The following LMTK2 variants were observed in gnomAD, a reference collection of about 807,000 sequenced individuals.
LMTK2 encodes the protein lemur tail kinase 2, also known as serine/threonine-protein kinase LMTK2.
LMTK2 carries 37 observed loss-of-function variants against 127.5 expected under a neutral mutation model. That is an observed-to-expected ratio of 0.29 (90% CI 0.22 to 0.38). The LOEUF is 0.38. LMTK2 is among the 10% of genes least tolerant of loss of function. LMTK2 has a pLI of 1.00. For missense variants in LMTK2, 1,694 were observed against 1,920.3 expected (o/e 0.88, Z 2.20); for synonymous variants, 819 against 810.1 (o/e 1.01, Z -0.19).
rs146075559 is a variant in LMTK2, at chr7:98,112,283, C to T, written c.103+5003C>T. Among the ~76,000 whole-genome samples the T allele has an allele frequency of 3.4e-3, 524 of 152,248 alleles. 2 individuals are homozygous for T. The highest frequency in any genetic ancestry group is 2.7e-3 in the Non-Finnish European group (184 of 68,024). On this transcript the variant is annotated intron_variant, in intron 1 of 13. Transcript: ENST00000297293. Reference sequence around the variant, plus strand: ...TGCGATCATAGCTCACTGCAACCTCCAACTCCTGGCCTCAAGAGATCCTCC... The same window carrying T: ...TGCGATCATAGCTCACTGCAACCTCTAACTCCTGGCCTCAAGAGATCCTCC...
chr7:98,116,323 T>A (rs1045743693), intron 1 of LMTK2, among the ~76,000 whole-genome samples: 1 of 152,180 alleles, frequency 6.6e-6, no homozygotes, highest in African/African-American at 2.4e-5. Context: ...TGTCAGCATT[T>A]GTAACTGAGG....
chr7:98,198,076 TTTTTC>T (rs1797654586), intron 11 of LMTK2, among the ~76,000 whole-genome samples: 1 of 152,228 alleles, frequency 6.6e-6, no homozygotes, highest in Admixed American at 6.5e-5. Flanking sequence ...CATGGATTTT[TTTTTC>T]TTTTCTCTTT....
chr7:98,141,553 C>G lies in LMTK2; in HGVS notation c.376+12C>G, dbSNP rs761085347. On this transcript the variant is annotated intron_variant, in intron 3 of 13. Transcript: ENST00000297293. ...CCAGCCTTCTGTAGGTAAGACCATACAGCCTAATGCCACGTTTTCATGAAT... is the reference window on the plus strand; with the variant it reads ...CCAGCCTTCTGTAGGTAAGACCATAGAGCCTAATGCCACGTTTTCATGAAT... 3 of 1,608,614 alleles carry G rather than the reference C, an allele frequency of 1.9e-6. No individual in the cohort carries two copies. Among genetic ancestry groups the G allele is most frequent in the Non-Finnish European group, 2.5e-6 (3 of 1,177,098 alleles).
intron 1 of LMTK2, among the ~76,000 whole-genome samples, chr7:98,109,760 A>G (rs1048923605): frequency 7.3e-5 from 11 of 151,716 alleles, no homozygotes; most frequent in East Asian, 1.9e-4. Context: ...AAAAAAAAAA[A>G]AAAGAAAGGA....
At chr7:98,178,445 G>A (rs1218083962) in intron 7 of LMTK2, among the ~76,000 whole-genome samples, 1 of 152,166 alleles carries the variant, frequency 6.6e-6, no homozygotes, top group South Asian at 2.1e-4. Flanking sequence ...CTCTGCTCAT[G>A]CGGCCCTGAG....
chr7:98,119,608 G>A (rs2116327785), intron 1 of LMTK2, among the ~76,000 whole-genome samples: 1 of 152,306 alleles, frequency 6.6e-6, no homozygotes, highest in South Asian at 2.1e-4. Flanking sequence ...AGGGAAAACA[G>A]CAGGTAGTCC....
intron 8 of LMTK2, among the ~76,000 whole-genome samples, chr7:98,185,448 C>T (rs1797419895): frequency 6.6e-6 from 1 of 152,116 alleles, no homozygotes; most frequent in Non-Finnish European, 1.5e-5. Flanking sequence ...GTTATTATTA[C>T]CTGTTATGAT....
At chr7:98,123,504 G>A (rs1202117130) in intron 1 of LMTK2, among the ~76,000 whole-genome samples, 1 of 152,086 alleles carries the variant, frequency 6.6e-6, no homozygotes, top group Non-Finnish European at 1.5e-5. Context: ...CAGTCTTGCA[G>A]TGGTGTCTCT....
chr7:98,203,728 T>C (rs1344537830), intron 12 of LMTK2, 22 bp downstream of exon 12: 1 of 1,610,714 alleles, frequency 6.2e-7, no homozygotes, highest in South Asian at 1.1e-5. Context: ...CATTGTCTAG[T>C]TTTAAAGGAA....
chr7:98,138,264 C>G (rs1796624328), intron 2 of LMTK2, among the ~76,000 whole-genome samples: 1 of 152,124 alleles, frequency 6.6e-6, no homozygotes, highest in Non-Finnish European at 1.5e-5. Flanking sequence ...GCCTGGAGGT[C>G]CAGTGGTTCA....
intron 1 of LMTK2, among the ~76,000 whole-genome samples, chr7:98,118,126 T>C (rs73710339): frequency 0.058 from 8,878 of 152,248 alleles, 874 homozygotes; most frequent in African/African-American, 0.2. Context: ...TAGAGACAGA[T>C]GAGCTGGAAG....
At chr7:98,136,147 G>T (rs1468182870) in intron 1 of LMTK2, among the ~76,000 whole-genome samples, 1 of 152,210 alleles carries the variant, frequency 6.6e-6, no homozygotes, top group Admixed American at 6.5e-5. Flanking sequence ...CCTTGGTAGA[G>T]CTCCCAGTGA....
At chr7:98,172,553 T>C (rs1047877435) in intron 7 of LMTK2, among the ~76,000 whole-genome samples, 1 of 152,178 alleles carries the variant, frequency 6.6e-6, no homozygotes, top group African/African-American at 2.4e-5. Context: ...TTCTGCTTAT[T>C]CTCCTCTAGG....
At position 98,107,250 on chromosome 7, in the gene LMTK2, G is replaced by C; in HGVS notation, c.73G>C (p.Gly25Arg). Residue 25 changes from glycine to arginine, a missense_variant, in exon 1 of 14, where the codon GGG (glycine) becomes CGG (arginine). Physicochemically the swap from Gly to Arg is moderately radical, Grantham distance 125. Around this residue, in one of 8 missense-constraint regions of LMTK2, gnomAD observed 76 missense variants for 82.0 expected, o/e 0.93. Transcript: ENST00000297293. ...GGTCCTCCTGATCGCCGGCAGTGCT[G>C]GGGCCGCGCCACTTCCGCAAACAGG... ...LLVLLIAGSA[G>R]AAPLPQTGAG... 1 of 1,441,572 alleles carries C rather than the reference G, an allele frequency of 6.9e-7. No individual in the cohort carries two copies. Among genetic ancestry groups the C allele is most frequent in the African/African-American group, 1.5e-5 (1 of 67,292 alleles). 89.3% of individuals were successfully genotyped at this position (1,441,572 alleles called of 1,614,324 possible). A position where few individuals can be genotyped will look rare whatever the true frequency, so the allele number is the denominator to read the frequency against.
chr7:98,119,151 A>G (rs958553896), intron 1 of LMTK2, among the ~76,000 whole-genome samples: 4 of 152,128 alleles, frequency 2.6e-5, no homozygotes, highest in Admixed American at 6.5e-5. Flanking sequence ...CAGCTGAATC[A>G]AAATGCTGAA....
intron 4 of LMTK2, among the ~76,000 whole-genome samples, chr7:98,152,316 G>A (rs2116388946): frequency 6.6e-6 from 1 of 152,320 alleles, no homozygotes; most frequent in East Asian, 1.9e-4. Context: ...GGTTCCTAAT[G>A]GAGTAGGGAT....
chr7:98,117,862 G>A (rs1344789331), intron 1 of LMTK2, among the ~76,000 whole-genome samples: 1 of 152,146 alleles, frequency 6.6e-6, no homozygotes, highest in African/African-American at 2.4e-5. Context: ...AGCTACTCGG[G>A]AGGTTGAGGC....
chr7:98,118,289 G>A (rs978815944), intron 1 of LMTK2, among the ~76,000 whole-genome samples: 3 of 152,038 alleles, frequency 2.0e-5, no homozygotes, highest in Admixed American at 6.6e-5. Context: ...AAATAGATTC[G>A]ATTTACCTCC....
intron 6 of LMTK2, among the ~76,000 whole-genome samples, chr7:98,170,016 T>TA (rs1433389852): frequency 6.6e-6 from 1 of 152,234 alleles, no homozygotes; most frequent in East Asian, 1.9e-4. Context: ...TCAGTTATTT[T>TA]ATGTTCATTC....
Sources: allele counts gnomAD v4.1 joint callset (sites outside exome capture counted in the v4.1 genomes callset), GRCh38; gene constraint gnomAD v4.1.1; regional missense constraint gnomAD v4.1.1; transcripts MANE v1.5; gene names NCBI Gene and HGNC (gene_info 2026-07-23, HGNC 2026-07-21).